SEM1: variants seen among roughly 807,000 people sequenced by gnomAD.
SEM1 encodes 26S proteasome complex subunit SEM1.
In SEM1, 3 loss-of-function variants were observed where a neutral mutation model predicts 12.7. The ratio of observed to expected loss-of-function variants is 0.24; its 90% CI spans 0.11 to 0.61. SEM1 has a LOEUF of 0.61. Among genes scored for constraint, SEM1 ranks in the 20% least tolerant of loss-of-function variants. The pLI, the probability that SEM1 is intolerant of heterozygous loss-of-function variation, is 0.88. For missense variants in SEM1, 59 were observed against 81.3 expected (o/e 0.73, Z 1.06); for synonymous variants, 30 against 27.8 (o/e 1.08, Z -0.25).
At chr7:96,565,863 G>A (rs973643303) in intron 2 of SEM1, among the ~76,000 whole-genome samples, 11 of 151,860 alleles carry the variant, frequency 7.2e-5, no homozygotes, top group Non-Finnish European at 1.3e-4. Flanking sequence ...TGTTCCCACA[G>A]ATCTTCTTCA....
intron 2 of SEM1, among the ~76,000 whole-genome samples, chr7:96,629,515 T>C (rs1277288745): frequency 6.6e-6 from 1 of 152,098 alleles, no homozygotes; most frequent in African/African-American, 2.4e-5. Flanking sequence ...TAAATTTGTC[T>C]GATAGAATTC....
At chr7:96,516,231 A>G (rs1804091651) in intron 2 of SEM1, among the ~76,000 whole-genome samples, 1 of 152,134 alleles carries the variant, frequency 6.6e-6, no homozygotes, top group Non-Finnish European at 1.5e-5. Flanking sequence ...GAAAGAACTG[A>G]TAAGTTGGAC....
downstream of SEM1, among the ~76,000 whole-genome samples, chr7:96,618,873 C>T (rs1212794584): frequency 6.6e-6 from 1 of 152,036 alleles, no homozygotes. Context: ...ATCACTTGAG[C>T]CCAGGTGTTC....
intron 2 of SEM1, among the ~76,000 whole-genome samples, 193 bp from the exon 3 acceptor site, chr7:96,689,159 T>C (rs1789850915): frequency 1.3e-5 from 2 of 152,072 alleles, no homozygotes; most frequent in Non-Finnish European, 1.5e-5. Context: ...TACTATAAAA[T>C]TTTGTTTTTC....
chr7:96,574,589 C>T (rs1004789935), intron 2 of SEM1, among the ~76,000 whole-genome samples: 2 of 152,188 alleles, frequency 1.3e-5, no homozygotes, highest in Non-Finnish European at 2.9e-5. Context: ...ACATCCTCTC[C>T]AGCTACTGTT....
At chr7:96,692,801 T>C (rs909148021) in intron 2 of SEM1, among the ~76,000 whole-genome samples, 1 of 151,966 alleles carries the variant, frequency 6.6e-6, no homozygotes, top group Non-Finnish European at 1.5e-5. Flanking sequence ...CATAAAACTA[T>C]AAAAGGAAAA....
intron 1 of SEM1, among the ~76,000 whole-genome samples, chr7:96,697,777 C>T (rs1200414980): frequency 2.0e-5 from 3 of 152,144 alleles, no homozygotes; most frequent in Admixed American, 2.0e-4. Flanking sequence ...CATCACTATA[C>T]TCATGAGTAT....
chr7:96,539,234 A>C (rs1804877715), intron 2 of SEM1, among the ~76,000 whole-genome samples: 1 of 151,810 alleles, frequency 6.6e-6, no homozygotes, highest in Admixed American at 6.6e-5. Flanking sequence ...CCTTGATTAT[A>C]GATTTTTGAA....
chr7:96,686,910 A>G (rs1472229728), downstream of SEM1, among the ~76,000 whole-genome samples: 1 of 152,234 alleles, frequency 6.6e-6, no homozygotes, highest in Middle Eastern at 3.2e-3. Flanking sequence ...GCTAATATCC[A>G]GAATCTACAA....
rs1456061829 is a variant in SEM1, at chr7:96,615,239, ATCTTTTTTTTT to A, written c.170+79548_170+79558del. Among the ~76,000 whole-genome samples the A allele has an allele frequency of 1.9e-4, 19 of 98,180 alleles. 2 individuals are homozygous for A. The highest frequency in any genetic ancestry group is 8.9e-4 in the Admixed American group (7 of 7,902). 64.4% of individuals were successfully genotyped at this position (98,180 alleles called of 152,430 possible). A position where few individuals can be genotyped will look rare whatever the true frequency, so the allele number is the denominator to read the frequency against. ...GGACTGTTGGGTTATTTTTTGAGTC[ATCTTTTTTTTT>A]TTTTTTTTTTTTTTTGGAGACAGAG... On this transcript the variant is annotated intron_variant and NMD_transcript_variant, in intron 2 of 3. Transcript: ENST00000466986.
intron 2 of SEM1, among the ~76,000 whole-genome samples, chr7:96,514,761 G>C (rs1237804660): frequency 4.0e-5 from 6 of 151,822 alleles, no homozygotes; most frequent in African/African-American, 1.5e-4. Context: ...AAATAAAAAA[G>C]GTTTTATAAA....
chr7:96,636,893 T>G (rs745856145), intron 2 of SEM1, among the ~76,000 whole-genome samples: 6 of 152,040 alleles, frequency 3.9e-5, no homozygotes, highest in Admixed American at 1.3e-4. Flanking sequence ...TGGTATAGCA[T>G]GTTGCAAAGA....
At chr7:96,665,493 GAA>G (rs1010217666) in intron 2 of SEM1, among the ~76,000 whole-genome samples, 2 of 152,152 alleles carry the variant, frequency 1.3e-5, no homozygotes, top group African/African-American at 2.4e-5. Flanking sequence ...GAGTAAATAT[GAA>G]AAGTTAGTTC....
chr7:96,659,243 G>A (rs1788906191), intron 2 of SEM1, among the ~76,000 whole-genome samples: 1 of 152,154 alleles, frequency 6.6e-6, no homozygotes, highest in African/African-American at 2.4e-5. Context: ...CAAAGACAAA[G>A]GGAAAATTTG....
intron 2 of SEM1, among the ~76,000 whole-genome samples, chr7:96,553,507 A>C (rs1584758179): frequency 6.6e-6 from 1 of 151,534 alleles, no homozygotes; most frequent in South Asian, 2.1e-4. Flanking sequence ...ATAGTTGTAG[A>C]TATGCAGCAT....
intron 2 of SEM1, among the ~76,000 whole-genome samples, chr7:96,639,522 A>T (rs1318617210): frequency 6.6e-6 from 1 of 151,928 alleles, no homozygotes; most frequent in Non-Finnish European, 1.5e-5. Context: ...AAACAACAGG[A>T]CATCCAAATG....
At chr7:96,652,692 T>C (rs1809039309) in intron 2 of SEM1, among the ~76,000 whole-genome samples, 1 of 152,230 alleles carries the variant, frequency 6.6e-6, no homozygotes, top group Non-Finnish European at 1.5e-5. Flanking sequence ...TTCAGTTATG[T>C]TTCCCAAAGA....
chr7:96,693,992 T>C (rs1790012851), intron 2 of SEM1, among the ~76,000 whole-genome samples: 1 of 151,962 alleles, frequency 6.6e-6, no homozygotes. Context: ...GGAACATGTA[T>C]ATGAATATTA....
chr7:96,696,960 T>C (rs1328150434), intron 1 of SEM1: 1 of 151,978 alleles, frequency 6.6e-6, no homozygotes, highest in East Asian at 1.9e-4. Context: ...ACTCCAGAAA[T>C]AGTTTTGAAA....
Sources: gnomAD v4.1 joint callset for allele counts (sites outside exome capture counted in the v4.1 genomes callset) on GRCh38, gnomAD v4.1.1 for gene constraint, MANE v1.5 for transcripts, NCBI Gene and HGNC (gene_info 2026-07-23, HGNC 2026-07-21) for gene names.